Variants in RSRC1 observed in about 807,000 individuals in gnomAD.
RSRC1 encodes serine/Arginine-related protein 53.
Under a neutral mutation model 49.1 loss-of-function variants are expected in RSRC1, and 39 were observed. The ratio of observed to expected loss-of-function variants is 0.79; its 90% confidence interval spans 0.61 to 1.04. RSRC1 has a LOEUF of 1.04. Ranked by LOEUF, RSRC1 falls within the 50% of genes least tolerant of loss-of-function variation. The pLI, the probability that RSRC1 is intolerant of heterozygous loss-of-function variation, is 0.00. For synonymous variants in RSRC1, 143 were observed against 130.8 expected, an observed-to-expected ratio of 1.09 and a Z score of -0.63; for missense variants, 388 against 402.4, an observed-to-expected ratio of 0.96 and a Z score of 0.31.
intron 3 of RSRC1, among the ~76,000 whole-genome samples, chr3:158,196,201 G>A (rs976912635): frequency 2.0e-5 from 3 of 151,744 alleles, no homozygotes; most frequent in Non-Finnish European, 2.9e-5. Flanking sequence ...AGTTCTCCTT[G>A]AAGAGGTCCT....
At chr3:158,262,988 A>C (rs1724983744) in intron 4 of RSRC1, among the ~76,000 whole-genome samples, 1 of 152,122 alleles carries the variant, frequency 6.6e-6, no homozygotes, top group Non-Finnish European at 1.5e-5. Context: ...TGTAATAAAG[A>C]CAGTTTTAAT....
intron 3 of RSRC1, among the ~76,000 whole-genome samples, chr3:158,158,593 C>T (rs1372085126): frequency 6.6e-6 from 1 of 152,118 alleles, no homozygotes; most frequent in Non-Finnish European, 1.5e-5. Context: ...AAATGAGAAA[C>T]AAACATGGAT....
At chr3:158,416,220 T>C (rs552280877) in intron 6 of RSRC1, among the ~76,000 whole-genome samples, 5 of 152,072 alleles carry the variant, frequency 3.3e-5, no homozygotes, top group Non-Finnish European at 7.4e-5. Flanking sequence ...CTTTGTGCCT[T>C]TCTCAACCAT....
intron 1 of RSRC1, among the ~76,000 whole-genome samples, chr3:158,116,583 A>G (rs899287608): frequency 6.6e-6 from 1 of 152,012 alleles, no homozygotes; most frequent in Non-Finnish European, 1.5e-5. Flanking sequence ...AGTGACTACT[A>G]AGTATAATTT....
At chr3:158,494,518 A>C (rs778982633) in intron 7 of RSRC1, among the ~76,000 whole-genome samples, 1 of 152,178 alleles carries the variant, frequency 6.6e-6, no homozygotes, top group African/African-American at 2.4e-5. Flanking sequence ...TTTTTCTTCA[A>C]TAATAAATTA....
At chr3:158,252,653 A>T (rs1724288250) in intron 4 of RSRC1, among the ~76,000 whole-genome samples, 1 of 152,182 alleles carries the variant, frequency 6.6e-6, no homozygotes, top group Non-Finnish European at 1.5e-5. Context: ...GAAAAATTTG[A>T]GTAGGATTGG....
At chr3:158,241,024 A>G (rs6804180) in intron 4 of RSRC1, among the ~76,000 whole-genome samples, 145,177 of 152,306 alleles carry the variant, frequency 0.95, 69,276 homozygotes, top group East Asian at 1. Context: ...CCTAATGTAT[A>G]AACTAAACTT....
chr3:158,371,701 T>A (rs1050470966), intron 6 of RSRC1, among the ~76,000 whole-genome samples: 4 of 151,816 alleles, frequency 2.6e-5, no homozygotes, highest in Non-Finnish European at 4.4e-5. Flanking sequence ...GAACATGGGG[T>A]TTTGTTCTAC....
chr3:158,471,433 T>C (rs2108421634), intron 7 of RSRC1, among the ~76,000 whole-genome samples: 1 of 152,244 alleles, frequency 6.6e-6, no homozygotes, highest in East Asian at 1.9e-4. Context: ...AAGTTAGCTA[T>C]TGTTATTATA....
chr3:158,322,129 T>C (rs1338727329), intron 5 of RSRC1, among the ~76,000 whole-genome samples: 1 of 152,194 alleles, frequency 6.6e-6, no homozygotes, highest in Non-Finnish European at 1.5e-5. Context: ...TATTTCTTGC[T>C]AGGGCAGGTC....
chr3:158,293,455 A>G (rs150476433), intron 4 of RSRC1, among the ~76,000 whole-genome samples: 151 of 152,112 alleles, frequency 9.9e-4, no homozygotes, highest in African/African-American at 3.4e-3. Flanking sequence ...ATTTTGTATT[A>G]TGTGTCTTTT....
chr3:158,290,234 T>C (rs1179091221), intron 4 of RSRC1, among the ~76,000 whole-genome samples: 1 of 151,412 alleles, frequency 6.6e-6, no homozygotes, highest in African/African-American at 2.5e-5. Flanking sequence ...AGACCATTAG[T>C]AAATAGTAGA....
chr3:158,334,052 C>T (rs1362598807), intron 5 of RSRC1, among the ~76,000 whole-genome samples: 1 of 152,052 alleles, frequency 6.6e-6, no homozygotes, highest in Non-Finnish European at 1.5e-5. Flanking sequence ...TTTTCTAGAA[C>T]ATCCTGAAAT....
At chr3:158,163,989 C>A (rs1718391543) in intron 3 of RSRC1, among the ~76,000 whole-genome samples, 1 of 152,196 alleles carries the variant, frequency 6.6e-6, no homozygotes, top group Non-Finnish European at 1.5e-5. Context: ...TTTATTGAAT[C>A]TGTCTCTATA....
chr3:158,211,619 GC>G (rs1721682887), intron 4 of RSRC1, among the ~76,000 whole-genome samples: 1 of 151,936 alleles, frequency 6.6e-6, no homozygotes, highest in South Asian at 2.1e-4. Context: ...AAGGAAAGGT[GC>G]CCTAGACAAT....
At chr3:158,543,054 A>C (rs1224706079) in intron 8 of RSRC1, among the ~76,000 whole-genome samples, 1 of 152,096 alleles carries the variant, frequency 6.6e-6, no homozygotes, top group African/African-American at 2.4e-5. Context: ...GCATTTTTCT[A>C]TTTGTTATTC....
intron 4 of RSRC1, among the ~76,000 whole-genome samples, chr3:158,215,702 A>G (rs575893875): frequency 7.2e-5 from 11 of 151,834 alleles, no homozygotes; most frequent in Middle Eastern, 3.4e-3. Flanking sequence ...CACGTACTTA[A>G]TTCTTCACAG....
chr3:158,208,821 A>G lies in RSRC1; in HGVS notation c.494+5576A>G, dbSNP rs76984626. Among the ~76,000 whole-genome samples, 243 of 152,320 alleles carry G rather than the reference A, an allele frequency of 1.6e-3. 2 individuals are homozygous for G. In the East Asian group the frequency reaches 0.032, roughly 20 times the overall value. ...AACAATCAGAAATAGGAAACTTGTC[A>G]TGGCATCTCATAATTGCAATTTGAT... On this transcript the variant is annotated intron_variant, in intron 4 of 9. Coordinates refer to ENST00000611884, the MANE Select transcript of RSRC1 (RefSeq NM_001271838.2).
At chr3:158,472,330 G>A (rs1263358418) in intron 7 of RSRC1, among the ~76,000 whole-genome samples, 2 of 152,040 alleles carry the variant, frequency 1.3e-5, no homozygotes, top group African/African-American at 4.8e-5. Flanking sequence ...TATTCTCACA[G>A]ACTTTCAACT....
Sources: allele counts gnomAD v4.1 joint callset (sites outside exome capture counted in the v4.1 genomes callset), GRCh38; gene constraint gnomAD v4.1.1; transcripts MANE v1.5; gene names NCBI Gene and HGNC (gene_info 2026-07-23, HGNC 2026-07-21).